The following MAPK8IP3 variants were observed in gnomAD, a reference collection of about 807,000 sequenced individuals.
MAPK8IP3 encodes the protein mitogen-activated protein kinase 8 interacting protein 3, also known as C-Jun-amino-terminal kinase-interacting protein 3.
In MAPK8IP3, 49 loss-of-function variants were observed where a neutral mutation model predicts 157.8. That is an observed-to-expected ratio of 0.31 (90% CI 0.25 to 0.39). The LOEUF (loss-of-function observed/expected upper bound fraction) is 0.39, where lower values mean the gene tolerates loss of function less well. Among genes scored for constraint, MAPK8IP3 ranks in the 10% least tolerant of loss-of-function variants. MAPK8IP3 has a pLI of 1.00. For missense variants in MAPK8IP3, 1,478 were observed against 1,889.4 expected (o/e 0.78, Z 4.04); for synonymous variants, 897 against 777.7 (o/e 1.15, Z -2.55).
intron 4 of MAPK8IP3, among the ~76,000 whole-genome samples, chr16:1,736,462 A>G (rs1202627514): frequency 1.8e-3 from 37 of 20,368 alleles, no homozygotes; most frequent in South Asian, 4.7e-3. Flanking sequence ...GCGTGTGACC[A>G]TCCATGTGAG....
intron 30 of MAPK8IP3, 40 bp downstream of exon 30, chr16:1,768,418 G>A: frequency 4.4e-6 from 7 of 1,596,796 alleles, no homozygotes; most frequent in Non-Finnish European, 5.9e-6. Flanking sequence ...TCCCCTGCAT[G>A]CCAGTGGCCG....
intron 4 of MAPK8IP3, among the ~76,000 whole-genome samples, chr16:1,736,850 G>A (rs1343485473): frequency 5.9e-5 from 5 of 84,534 alleles, no homozygotes; most frequent in East Asian, 3.9e-4. Context: ...GTGACCGTCC[G>A]TGTGTGACCG....
intron 22 of MAPK8IP3, 27 bp from the exon 23 acceptor site, chr16:1,766,502 C>T (rs773267198): frequency 4.4e-6 from 7 of 1,608,980 alleles, no homozygotes; most frequent in Non-Finnish European, 5.9e-6. Flanking sequence ...TCCGTGGCCC[C>T]CCCTGGAGCC....
intron 4 of MAPK8IP3, among the ~76,000 whole-genome samples, chr16:1,739,030 GCGTC>G (rs1221474463): frequency 1.8e-5 from 2 of 112,456 alleles, no homozygotes; most frequent in Admixed American, 9.4e-5. Flanking sequence ...ATCTGTGTGA[GCGTC>G]CGTGTGAGCG....
intron 1 of MAPK8IP3, among the ~76,000 whole-genome samples, chr16:1,721,279 G>A (rs1356027743): frequency 6.8e-6 from 1 of 146,426 alleles, no homozygotes; most frequent in Non-Finnish European, 1.5e-5. Context: ...GTTGCGGTGA[G>A]CTGAGATCGT....
chr16:1,750,000 T>TGAAAGATG (rs2041197598), intron 8 of MAPK8IP3, among the ~76,000 whole-genome samples: 1 of 152,158 alleles, frequency 6.6e-6, no homozygotes, highest in South Asian at 2.1e-4. Context: ...TACTTGGTGG[T>TGAAAGATG]GAAAGATGGA....
chr16:1,763,997 G>GC, intron 17 of MAPK8IP3, 118 bp from the exon 18 acceptor site: 2 of 1,133,682 alleles, frequency 1.8e-6, no homozygotes, highest in Non-Finnish European at 2.4e-6. Flanking sequence ...GCCCCCACCT[G>GC]CCTCCAGTCT....
In MAPK8IP3 at chr16:1,710,576, A is replaced by G. The variant is rs935262861; in HGVS notation, c.318+3919A>G. 6.6e-6 allele frequency among the ~76,000 whole-genome samples: 1 copy of G among 152,196 alleles called. No individual in the cohort carries two copies. The highest frequency in any genetic ancestry group is 2.4e-5 in the African/African-American group (1 of 41,460). ...AAAACAAACACCATAATCCCGCTCT[A>G]CAGAGATGATCAGTCTGCCATTTTT... On this transcript the variant is annotated intron_variant, in intron 1 of 31. Coordinates refer to ENST00000610761, the MANE Select transcript of MAPK8IP3 (RefSeq NM_001318852.2). This position sits in a 1 kb window ranked among gnomAD's most constrained non-coding sequence, Gnocchi z 4.1.
chr16:1,717,675 G>A (rs917195548), intron 1 of MAPK8IP3, among the ~76,000 whole-genome samples: 6 of 152,204 alleles, frequency 3.9e-5, no homozygotes, highest in Admixed American at 6.5e-5. Flanking sequence ...AGATACTACC[G>A]TGCTGTATTC....
At chr16:1,730,245 A>T (rs2039215452) in intron 4 of MAPK8IP3, among the ~76,000 whole-genome samples, 1 of 152,028 alleles carries the variant, frequency 6.6e-6, no homozygotes, top group African/African-American at 2.4e-5. Context: ...TGGGCAGCAG[A>T]GTGAGCCCCG....
chr16:1,711,640 G>A (rs2037774849), intron 1 of MAPK8IP3, among the ~76,000 whole-genome samples: 1 of 152,170 alleles, frequency 6.6e-6, no homozygotes, highest in Non-Finnish European at 1.5e-5. Flanking sequence ...CCTTTGCCCT[G>A]TTGAAAGTTG....
chr16:1,731,012 T>TGTGC (rs2039282748), intron 4 of MAPK8IP3, among the ~76,000 whole-genome samples: 1 of 151,474 alleles, frequency 6.6e-6, no homozygotes, highest in Admixed American at 6.6e-5. Flanking sequence ...TGGTGGCACA[T>TGTGC]GCCTGTAGTC....
intron 10 of MAPK8IP3, among the ~76,000 whole-genome samples, 200 bp downstream of exon 10, chr16:1,759,195 T>A (rs1466818257): frequency 6.6e-6 from 1 of 152,130 alleles, no homozygotes. Context: ...AGGGACAGAC[T>A]TGAAGGCCCG....
rs761557994 is a variant in MAPK8IP3 at position 1,768,208 on chromosome 16, C to T, written c.3572C>T (p.Thr1191Ile). ...GQLLGLRANK[T>I]SPTSGEGARP... ...GGTTCTCTCCCTGCAGCCAATAAGA[C>T]ATCCCCCACCTCTGGGGAGGGCGCC... Residue 1191 changes from threonine to isoleucine, a missense_variant, in exon 30 of 32, where the codon ACA becomes ATA. Physicochemically the swap from Thr to Ile is moderately conservative, Grantham distance 89. Around this residue, in one of 11 missense-constraint regions of MAPK8IP3, gnomAD observed 83 missense variants for 85.3 expected, o/e 0.97. Transcript: ENST00000610761. 4.3e-6 allele frequency: 7 copies of T among 1,612,356 alleles called. No homozygotes were observed. In the East Asian group the frequency reaches 6.7e-5, roughly 15 times the overall value.
chr16:1,726,566 A>G (rs1223442222), intron 2 of MAPK8IP3, among the ~76,000 whole-genome samples: 1 of 152,076 alleles, frequency 6.6e-6, no homozygotes, highest in Non-Finnish European at 1.5e-5. Flanking sequence ...GGGCCCAGCT[A>G]CTCGGGAGGC....
rs1018619200 is a variant in MAPK8IP3, at chr16:1,758,166, A to T, written c.1228+7A>T. On this transcript the variant is annotated splice_region_variant and intron_variant, in intron 9 of 31. Transcript: ENST00000610761. Reference sequence around the variant, plus strand: ...TCGCCAGGGGAGTTCTCAGGTGAGTATCTCACTCTCCTGTCTGTCTCCCCT... The same window carrying T: ...TCGCCAGGGGAGTTCTCAGGTGAGTTTCTCACTCTCCTGTCTGTCTCCCCT... 3.1e-6 allele frequency: 5 copies of T among 1,613,390 alleles called. No individual in the cohort carries two copies. The highest frequency in any genetic ancestry group is 4.2e-6 in the Non-Finnish European group (5 of 1,179,754).
At chr16:1,715,711 C>T (rs2038102029) in intron 1 of MAPK8IP3, among the ~76,000 whole-genome samples, 3 of 151,762 alleles carry the variant, frequency 2.0e-5, no homozygotes, top group South Asian at 4.2e-4. Flanking sequence ...GCCTAACAAA[C>T]GTATGAGAGG....
At chr16:1,748,801 GA>G in intron 8 of MAPK8IP3, 81 bp downstream of exon 8, 1 of 1,261,610 alleles carries the variant, frequency 7.9e-7, no homozygotes, top group Non-Finnish European at 1.2e-6. Flanking sequence ...GTAATGAAAG[GA>G]AAGTCCTCTG....
At chr16:1,756,670 A>AC (rs2041619200) in intron 8 of MAPK8IP3, among the ~76,000 whole-genome samples, 3 of 144,576 alleles carry the variant, frequency 2.1e-5, no homozygotes, top group African/African-American at 2.6e-5. Context: ...ACACACACAC[A>AC]AATTAGCCGG....
Sources: gnomAD v4.1 joint callset for allele counts (sites outside exome capture counted in the v4.1 genomes callset) on GRCh38, gnomAD v4.1.1 for gene constraint, gnomAD v4.1.1 regional missense constraint, Gnocchi (gnomAD v3.1) non-coding constraint, MANE v1.5 for transcripts, NCBI Gene and HGNC (gene_info 2026-07-23, HGNC 2026-07-21) for gene names.